NXPH1: variants seen among roughly 807,000 people sequenced by gnomAD.
The protein encoded by NXPH1 is neurexophilin 1.
Under a neutral mutation model 23.7 loss-of-function variants are expected in NXPH1, and 5 were observed. The ratio of observed to expected loss-of-function variants is 0.21; its 90% CI spans 0.11 to 0.44. NXPH1 has a LOEUF of 0.44. Among genes scored for constraint, NXPH1 ranks in the 20% least tolerant of loss-of-function variants. NXPH1 has a pLI of 0.99. For synonymous variants in NXPH1, 144 were observed against 122.2 expected, an observed-to-expected ratio of 1.18 and a Z score of -1.18; for missense variants, 324 against 321.6, an observed-to-expected ratio of 1.01 and a Z score of -0.06.
intron 2 of NXPH1, among the ~76,000 whole-genome samples, chr7:8,571,007 ATCTG>A (rs917265190): frequency 2.0e-5 from 3 of 146,502 alleles, no homozygotes; most frequent in East Asian, 2.0e-4. Context: ...ATGTCTGTCT[ATCTG>A]TCTGTCTATC....
At chr7:8,698,260 A>G (rs1779566249) in intron 2 of NXPH1, among the ~76,000 whole-genome samples, 1 of 152,172 alleles carries the variant, frequency 6.6e-6, no homozygotes, top group South Asian at 2.1e-4. Flanking sequence ...CCTATTTTCA[A>G]TTCTATAATA....
intron 2 of NXPH1, among the ~76,000 whole-genome samples, chr7:8,466,490 G>T (rs1056683403): frequency 6.6e-6 from 1 of 152,108 alleles, no homozygotes; most frequent in Non-Finnish European, 1.5e-5. Flanking sequence ...AGACATTTTT[G>T]ACTGCAAGAA....
intron 2 of NXPH1, among the ~76,000 whole-genome samples, chr7:8,603,524 A>C (rs2128627929): frequency 6.6e-6 from 1 of 152,238 alleles, no homozygotes; most frequent in African/African-American, 2.4e-5. Context: ...AAGACCCCTC[A>C]AGTCTGCCTT....
intron 2 of NXPH1, among the ~76,000 whole-genome samples, chr7:8,566,624 A>G (rs901169682): frequency 1.3e-5 from 2 of 151,786 alleles, no homozygotes; most frequent in Admixed American, 1.3e-4. Flanking sequence ...CAGGTCCTCC[A>G]TCCTTGCAAT....
intron 2 of NXPH1, among the ~76,000 whole-genome samples, chr7:8,459,776 T>C (rs1390754805): frequency 6.6e-6 from 1 of 152,214 alleles, no homozygotes; most frequent in Non-Finnish European, 1.5e-5. Context: ...AATCCCATTA[T>C]GAAGTCTGCA....
At chr7:8,702,909 G>T (rs1315306709) in intron 2 of NXPH1, among the ~76,000 whole-genome samples, 1 of 151,958 alleles carries the variant, frequency 6.6e-6, no homozygotes, top group Non-Finnish European at 1.5e-5. Flanking sequence ...TTGCCTCTGG[G>T]CTCTAAAACT....
At chr7:8,715,364 CT>C (rs1482507315) in intron 2 of NXPH1, among the ~76,000 whole-genome samples, 1 of 152,168 alleles carries the variant, frequency 6.6e-6, no homozygotes, top group Admixed American at 6.5e-5. Context: ...TTCAGTGCCT[CT>C]TTCAGTGATA....
chr7:8,715,579 C>T (rs187531862), intron 2 of NXPH1, among the ~76,000 whole-genome samples: 1 of 152,200 alleles, frequency 6.6e-6, no homozygotes, highest in East Asian at 1.9e-4. Context: ...TTGCTATAAT[C>T]AGTTATAAAA....
chr7:8,534,975 G>C (rs1818005309), intron 2 of NXPH1, among the ~76,000 whole-genome samples: 1 of 152,014 alleles, frequency 6.6e-6, no homozygotes, highest in South Asian at 2.1e-4. Context: ...TAGACAAAAA[G>C]AAAAAACCCA....
intron 2 of NXPH1, among the ~76,000 whole-genome samples, chr7:8,684,654 A>G (rs772291593): frequency 2.6e-5 from 4 of 152,180 alleles, no homozygotes; most frequent in Non-Finnish European, 5.9e-5. Context: ...TACTTTCAAT[A>G]ATAAACCGGA....
At chr7:8,491,304 C>T (rs1487506405) in intron 2 of NXPH1, among the ~76,000 whole-genome samples, 1 of 151,976 alleles carries the variant, frequency 6.6e-6, no homozygotes, top group Non-Finnish European at 1.5e-5. Context: ...TCAGTGTTTT[C>T]AGGACTCCAT....
At chr7:8,745,917 A>T (rs936143869) in intron 2 of NXPH1, among the ~76,000 whole-genome samples, 2 of 151,994 alleles carry the variant, frequency 1.3e-5, no homozygotes, top group African/African-American at 4.8e-5. Context: ...TAGCTGTTAA[A>T]GTACCAAGCC....
intron 2 of NXPH1, among the ~76,000 whole-genome samples, chr7:8,545,087 A>T (rs111674058): frequency 1.3e-5 from 2 of 151,530 alleles, no homozygotes; most frequent in African/African-American, 4.8e-5. Context: ...GCAACATGTT[A>T]TCAAGCAGCT....
At chr7:8,684,960 C>T (rs1821122583) in intron 2 of NXPH1, among the ~76,000 whole-genome samples, 1 of 152,116 alleles carries the variant, frequency 6.6e-6, no homozygotes, top group Admixed American at 6.6e-5. Flanking sequence ...CGCCATGTTG[C>T]ACTGTATAAC....
intron 2 of NXPH1, among the ~76,000 whole-genome samples, chr7:8,600,877 G>A (rs550649135): frequency 7.3e-5 from 11 of 150,750 alleles, no homozygotes; most frequent in Admixed American, 3.3e-4. Context: ...ACCAATCTTG[G>A]ATCAAAAAGA....
At chr7:8,563,154 C>G (rs1818476904) in intron 2 of NXPH1, among the ~76,000 whole-genome samples, 2 of 151,730 alleles carry the variant, frequency 1.3e-5, no homozygotes, top group South Asian at 4.1e-4. Context: ...GAAACCAATT[C>G]TCTATCACAC....
At chr7:8,725,535 TG>T (rs1780037748) in intron 2 of NXPH1, among the ~76,000 whole-genome samples, 1 of 151,978 alleles carries the variant, frequency 6.6e-6, no homozygotes, top group Non-Finnish European at 1.5e-5. Flanking sequence ...TACTCTAAGT[TG>T]GATGTGTTTT....
chr7:8,497,377 A>G (rs1270397826), intron 2 of NXPH1, among the ~76,000 whole-genome samples: 1 of 152,194 alleles, frequency 6.6e-6, no homozygotes, highest in African/African-American at 2.4e-5. Context: ...GTATATACCC[A>G]GTAATGGGAT....
chr7:8,685,977 C>T (rs773411227), intron 2 of NXPH1, among the ~76,000 whole-genome samples: 1 of 152,076 alleles, frequency 6.6e-6, no homozygotes, highest in African/African-American at 2.4e-5. Flanking sequence ...CTCCAATTCT[C>T]CATGATGTGT....
Sources: allele counts gnomAD v4.1 joint callset (sites outside exome capture counted in the v4.1 genomes callset), GRCh38; gene constraint gnomAD v4.1.1; transcripts MANE v1.5; gene names NCBI Gene and HGNC (gene_info 2026-07-23, HGNC 2026-07-21).